Variants in SMC6 observed in about 807,000 individuals in gnomAD.
SMC6 encodes the protein structural maintenance of chromosomes 6.
A neutral mutation model predicts 142.2 loss-of-function variants in SMC6; 79 were observed. That is an observed-to-expected ratio of 0.56 (90% CI 0.46 to 0.67). The LOEUF is 0.67. SMC6 is among the 30% of genes least tolerant of loss of function. The pLI is 0.00. For missense variants in SMC6, 1,072 were observed against 1,284.0 expected (o/e 0.83, Z 2.52); for synonymous variants, 411 against 412.4 (o/e 1.00, Z 0.04).
rs778847739 is a variant in SMC6 at position 17,718,217 on chromosome 2, G to C, written c.952C>G (p.Leu318Val). 5.1e-6 allele frequency: 8 copies of C among 1,582,294 alleles called. No homozygotes were observed. The South Asian group carries it at 9.7e-5, about 19-fold the overall frequency. ...TTGTACTTTTGTTCTGCCTCATTAA[G>C]TCTGACCTTTAAGAAAATAACATTA... ...DRKMEEQQVR[L>V]NEAEQKYKDI... The change falls in exon 12 of 28, where the codon CTT becomes GTT. Residue 318 changes from leucine to valine, a missense_variant. By Grantham distance (32) the Leu-to-Val change is conservative. This residue lies in a region of SMC6 where 994 missense variants were observed against 1,153.2 expected (regional missense o/e 0.86). Coordinates refer to ENST00000448223, the MANE Select transcript of SMC6 (RefSeq NM_001142286.2).
At chr2:17,696,167 C>G (rs1311280677) in intron 22 of SMC6, 122 bp downstream of exon 22, 11 of 1,251,228 alleles carry the variant, frequency 8.8e-6, no homozygotes, top group Non-Finnish European at 1.2e-5. Context: ...ACCTATTACT[C>G]TATATGAAAC....
chr2:17,667,265 G>A (rs1666542110), intron 26 of SMC6, among the ~76,000 whole-genome samples: 1 of 152,144 alleles, frequency 6.6e-6, no homozygotes, highest in South Asian at 2.1e-4. Context: ...GTTTTAAAAA[G>A]TCTGCCTCTC....
intron 3 of SMC6, among the ~76,000 whole-genome samples, chr2:17,742,046 A>G (rs1572360866): frequency 6.6e-6 from 1 of 152,138 alleles, no homozygotes; most frequent in South Asian, 2.1e-4. Context: ...TGGCATCCCC[A>G]GCCTCTACCC....
intron 26 of SMC6, among the ~76,000 whole-genome samples, chr2:17,666,864 C>T (rs1268893475): frequency 6.6e-6 from 1 of 152,060 alleles, no homozygotes; most frequent in Admixed American, 6.6e-5. Flanking sequence ...TGCCTGTCAT[C>T]CTAGCTACTC....
At chr2:17,679,006 G>T (rs981056830) in intron 24 of SMC6, 42 bp from the exon 25 acceptor site, 1 of 1,407,958 alleles carries the variant, frequency 7.1e-7, no homozygotes, top group Non-Finnish European at 9.9e-7. Context: ...GAGGGCAAAG[G>T]TTTTTTAAAA....
chr2:17,752,392 C>T (rs1402103980), intron 2 of SMC6, among the ~76,000 whole-genome samples: 1 of 152,108 alleles, frequency 6.6e-6, no homozygotes, highest in Non-Finnish European at 1.5e-5. Context: ...CACTTTTTTT[C>T]CTCTGAAATA....
chr2:17,727,595 C>T (rs1669694233), intron 7 of SMC6, among the ~76,000 whole-genome samples: 1 of 151,716 alleles, frequency 6.6e-6, no homozygotes, highest in Non-Finnish European at 1.5e-5. Flanking sequence ...ACTAATACAC[C>T]TAACAAGTTA....
Position 17,703,284 on chromosome 2 carries a change from T to C in SMC6, c.2015A>G (p.Glu672Gly), listed in dbSNP as rs1461520639. The change falls in exon 19 of 28, where the codon GAG (glutamate) becomes GGG (glycine). Residue 672 changes from glutamate to glycine, a missense_variant. Glu to Gly is a moderately conservative substitution (Grantham distance 98). Coordinates refer to ENST00000448223, the MANE Select transcript of SMC6 (RefSeq NM_001142286.2). The stretch of plus-strand genomic sequence containing the variant: ...GGCCGTCTTATTTTCAACCTCATTC[T>C]CCAAGTCACTTGATAGGAAAGGAGA... ...RDVDSEISDL[E>G]NEVENKTAQI... 6.3e-7 allele frequency: 1 copy of C among 1,597,792 alleles called. No individual in the cohort carries two copies. Among genetic ancestry groups the C allele is most frequent in the Admixed American group, 1.8e-5 (1 of 55,548 alleles).
chr2:17,674,444 T>C (rs969204759), intron 25 of SMC6, among the ~76,000 whole-genome samples: 20 of 152,194 alleles, frequency 1.3e-4, no homozygotes, highest in African/African-American at 4.3e-4. Context: ...TTGTTGACAT[T>C]TGCATTATAG....
intron 22 of SMC6, among the ~76,000 whole-genome samples, chr2:17,695,858 C>T (rs539391045): frequency 1.3e-5 from 2 of 152,216 alleles, no homozygotes; most frequent in Admixed American, 1.3e-4. Flanking sequence ...GACAAGGTTG[C>T]CTTCAATTTA....
At chr2:17,739,845 GACACACAC>G (rs776038205) in intron 4 of SMC6, among the ~76,000 whole-genome samples, 8 of 110,486 alleles carry the variant, frequency 7.2e-5, no homozygotes, top group African/African-American at 1.9e-4. Flanking sequence ...CACACACACA[GACACACAC>G]ACACACACAC....
chr2:17,730,997 A>G, intron 7 of SMC6, 81 bp downstream of exon 7: 1 of 1,079,078 alleles, frequency 9.3e-7, no homozygotes, highest in African/African-American at 1.6e-5. Context: ...AGGCCATTTA[A>G]ATTTTTTCTA....
At chr2:17,739,879 A>AAC (rs60784309) in intron 4 of SMC6, among the ~76,000 whole-genome samples, 15,364 of 115,262 alleles carry the variant, frequency 0.13, 1,175 homozygotes, top group Middle Eastern at 0.2. Flanking sequence ...GAATATGGTA[A>AAC]ACACACACAC....
At chr2:17,743,508 C>G (rs1397550406) in intron 3 of SMC6, among the ~76,000 whole-genome samples, 1 of 152,110 alleles carries the variant, frequency 6.6e-6, no homozygotes, top group East Asian at 1.9e-4. Context: ...CCCCTACCCC[C>G]ACACATGCAT....
intron 4 of SMC6, among the ~76,000 whole-genome samples, chr2:17,741,190 G>A (rs888299983): frequency 3.3e-5 from 5 of 152,164 alleles, no homozygotes; most frequent in Admixed American, 2.6e-4. Flanking sequence ...TCAAGAACTG[G>A]CACAAATACC....
rs750920020 is a variant in SMC6, at chr2:17,731,743, G to C, written c.479C>G (p.Thr160Arg). 6.2e-7 allele frequency: 1 copy of C among 1,610,404 alleles called. No individual in the cohort carries two copies. The highest frequency in any genetic ancestry group is 1.1e-5 in the South Asian group (1 of 90,296). The part of the protein sequence containing the change: ...GSRSYKLKSA[T>R]GSVVSTRKEE... The stretch of plus-strand genomic sequence containing the variant: ...ATGAAAAGAGAATCAAAACAAACCT[G>C]TTGCACTTTTAAGTTTATAAGATCG... Residue 160 changes from threonine to arginine, a missense_variant and splice_region_variant, in exon 6 of 28, where the codon ACA (threonine) becomes AGA (arginine). Around this residue, in one of 3 missense-constraint regions of SMC6, gnomAD observed 994 missense variants for 1,153.2 expected, o/e 0.86. Transcript: ENST00000448223.
intron 3 of SMC6, among the ~76,000 whole-genome samples, chr2:17,745,534 G>A (rs1239238855): frequency 9.9e-5 from 15 of 152,080 alleles, no homozygotes; most frequent in Non-Finnish European, 2.1e-4. Flanking sequence ...TCTGTGGATA[G>A]CCCTTATTTT....
chr2:17,741,820 A>G (rs1670485224), intron 3 of SMC6, 91 bp from the exon 4 acceptor site: 1 of 729,910 alleles, frequency 1.4e-6, no homozygotes, highest in African/African-American at 1.8e-5. Flanking sequence ...GACTAGCACC[A>G]TCACCAATGA....
intron 2 of SMC6, among the ~76,000 whole-genome samples, chr2:17,749,015 G>GTTGC (rs1670888983): frequency 6.6e-6 from 1 of 152,184 alleles, no homozygotes; most frequent in South Asian, 2.1e-4. Context: ...GGTTGCCACG[G>GTTGC]TAACTTGCAT....
Sources: allele counts gnomAD v4.1 joint callset (sites outside exome capture counted in the v4.1 genomes callset), GRCh38; gene constraint gnomAD v4.1.1; regional missense constraint gnomAD v4.1.1; transcripts MANE v1.5; gene names NCBI Gene and HGNC (gene_info 2026-07-23, HGNC 2026-07-21).